Variants in DCC observed in about 807,000 individuals in gnomAD.
DCC encodes the protein DCC netrin 1 receptor.
In DCC, 58 loss-of-function variants were observed where a neutral mutation model predicts 172.5. The observed-to-expected ratio is 0.34, with a 90% CI of 0.27 to 0.42. The LOEUF is 0.42. Ranked by LOEUF, DCC falls within the 10% of genes least tolerant of loss-of-function variation. The pLI is 1.00. For synonymous variants in DCC, 709 were observed against 644.5 expected (o/e 1.10, Z -1.52); for missense variants, 1,740 against 1,791.0 (o/e 0.97, Z 0.51).
At chr18:53,166,335 TC>T (rs879667292) in intron 8 of DCC, among the ~76,000 whole-genome samples, 1 of 151,944 alleles carries the variant, frequency 6.6e-6, no homozygotes, top group Non-Finnish European at 1.5e-5. Context: ...AATGGGAATG[TC>T]CCCAAGGGCC....
intron 20 of DCC, among the ~76,000 whole-genome samples, chr18:53,415,349 G>C (rs1038488512): frequency 2.0e-5 from 3 of 152,122 alleles, no homozygotes; most frequent in African/African-American, 7.2e-5. Context: ...CTCAAAGACG[G>C]TCAAGTCTAG....
chr18:52,433,114 A>G (rs1987678955), intron 1 of DCC, among the ~76,000 whole-genome samples: 1 of 152,210 alleles, frequency 6.6e-6, no homozygotes, highest in South Asian at 2.1e-4. Context: ...CATTTTTAAT[A>G]TCCCTGAAAT....
chr18:53,263,238 G>A (rs1226855523), intron 12 of DCC, among the ~76,000 whole-genome samples: 7 of 152,094 alleles, frequency 4.6e-5, no homozygotes, highest in Admixed American at 2.6e-4. Flanking sequence ...TGCAGCCTCC[G>A]CCTCTGGGGT....
At chr18:53,425,343 C>T (rs1910852312) in intron 21 of DCC, among the ~76,000 whole-genome samples, 2 of 144,412 alleles carry the variant, frequency 1.4e-5, no homozygotes, top group African/African-American at 2.5e-5. Flanking sequence ...CACAATTTTC[C>T]CCGTTTCTCC....
intron 13 of DCC, among the ~76,000 whole-genome samples, chr18:53,319,912 G>A (rs1409175684): frequency 6.6e-6 from 1 of 152,126 alleles, no homozygotes; most frequent in East Asian, 1.9e-4. Context: ...CTCAGTTAGT[G>A]TTGGATTGAA....
At chr18:52,979,872 C>T (rs2041178346) in intron 5 of DCC, among the ~76,000 whole-genome samples, 1 of 152,162 alleles carries the variant, frequency 6.6e-6, no homozygotes, top group East Asian at 1.9e-4. Flanking sequence ...CCCAAGTGTA[C>T]ACTTTCTCCA....
chr18:53,219,892 T>C (rs2055905028), intron 12 of DCC, among the ~76,000 whole-genome samples: 3 of 152,092 alleles, frequency 2.0e-5, no homozygotes, highest in Admixed American at 2.0e-4. Context: ...TTAACATTCT[T>C]TGTGTGTGTT....
At chr18:53,470,693 C>T (rs1441391282) in intron 25 of DCC, among the ~76,000 whole-genome samples, 6 of 151,792 alleles carry the variant, frequency 4.0e-5, no homozygotes, top group Non-Finnish European at 8.8e-5. Context: ...GAAGGAAAAG[C>T]AAGTACCTTC....
intron 9 of DCC, among the ~76,000 whole-genome samples, chr18:53,187,478 G>C (rs1231272951): frequency 6.6e-6 from 1 of 151,940 alleles, no homozygotes; most frequent in African/African-American, 2.4e-5. Context: ...TGTAATTAAT[G>C]CATAATCTAA....
chr18:52,791,192 A>T (rs1392543581), intron 2 of DCC, among the ~76,000 whole-genome samples: 1 of 152,152 alleles, frequency 6.6e-6, no homozygotes, highest in Non-Finnish European at 1.5e-5. Flanking sequence ...GTCTGATATG[A>T]TTGCTAAAAG....
chr18:52,370,053 G>A (rs1985050319), intron 1 of DCC, among the ~76,000 whole-genome samples: 1 of 152,174 alleles, frequency 6.6e-6, no homozygotes. Flanking sequence ...CCCACTAACA[G>A]TGTAAAAGCA....
Position 53,306,991 on chromosome 18 carries a change from C to T in DCC, c.2053+1272C>T, listed in dbSNP as rs571587069. Among the ~76,000 whole-genome samples the T allele has an allele frequency of 1.7e-3, 265 of 152,306 alleles. 1 individual carries two copies. The highest frequency in any genetic ancestry group is 6.3e-3 in the African/African-American group (261 of 41,566). On this transcript the variant is annotated intron_variant, in intron 13 of 28. Transcript: ENST00000442544. Reference sequence around the variant, plus strand: ...AAGTAATCCCTTATGTATTCCTTTTCTCTACGCCAGATACTCAGCGAATTT... The same window carrying T: ...AAGTAATCCCTTATGTATTCCTTTTTTCTACGCCAGATACTCAGCGAATTT...
chr18:53,514,993 C>CA (rs904176210), intron 27 of DCC, among the ~76,000 whole-genome samples: 45 of 151,124 alleles, frequency 3.0e-4, no homozygotes, highest in African/African-American at 1.0e-3. Flanking sequence ...AGAGACACAA[C>CA]AAAAAAAGAG....
At chr18:53,398,542 C>T (rs1026844563) in intron 18 of DCC, among the ~76,000 whole-genome samples, 6 of 152,076 alleles carry the variant, frequency 3.9e-5, no homozygotes, top group African/African-American at 1.4e-4. Context: ...AGTAAACAGT[C>T]TACTCTTCCT....
chr18:52,760,157 G>A (rs59818759), intron 2 of DCC, among the ~76,000 whole-genome samples: 31,752 of 152,096 alleles, frequency 0.21, 4,711 homozygotes, highest in African/African-American at 0.42. Context: ...AGCCTCAGGA[G>A]ACTTGTAATC....
chr18:53,129,778 T>C (rs1200840696), intron 7 of DCC, among the ~76,000 whole-genome samples: 2 of 152,162 alleles, frequency 1.3e-5, no homozygotes, highest in African/African-American at 2.4e-5. Flanking sequence ...TTGACTATTA[T>C]TAATAAAAGC....
At chr18:53,483,578 C>T (rs2045863538) in intron 25 of DCC, among the ~76,000 whole-genome samples, 1 of 151,814 alleles carries the variant, frequency 6.6e-6, no homozygotes, top group Non-Finnish European at 1.5e-5. Context: ...CTGGAATCTA[C>T]AATTTATTTT....
intron 21 of DCC, among the ~76,000 whole-genome samples, chr18:53,431,858 T>C (rs1416773374): frequency 6.6e-6 from 1 of 152,128 alleles, no homozygotes; most frequent in African/African-American, 2.4e-5. Context: ...AAACTACTGA[T>C]TTCTAAAATG....
chr18:53,249,549 G>A (rs931535576), intron 12 of DCC, among the ~76,000 whole-genome samples: 2 of 151,794 alleles, frequency 1.3e-5, no homozygotes, highest in Admixed American at 1.3e-4. Flanking sequence ...TTATTGCCCT[G>A]GAAATGTGGG....
Sources: gnomAD v4.1 joint callset for allele counts (sites outside exome capture counted in the v4.1 genomes callset) on GRCh38, gnomAD v4.1.1 for gene constraint, MANE v1.5 for transcripts, NCBI Gene and HGNC (gene_info 2026-07-23, HGNC 2026-07-21) for gene names.